The following EML4 variants were observed in gnomAD, a reference collection of about 807,000 sequenced individuals.
The protein encoded by EML4 is EMAP like 4.
A neutral mutation model predicts 129.0 loss-of-function variants in EML4; 72 were observed. The ratio of observed to expected loss-of-function variants is 0.56; its 90% CI spans 0.46 to 0.68. The LOEUF (loss-of-function observed/expected upper bound fraction) is 0.68, where lower values mean the gene tolerates loss of function less well. Among genes scored for constraint, EML4 ranks in the 30% least tolerant of loss-of-function variants. The pLI is 0.00. For missense variants in EML4, 1,363 were observed against 1,190.6 expected, an observed-to-expected ratio of 1.14 and a Z score of -2.13; for synonymous variants, 532 against 405.0, an observed-to-expected ratio of 1.31 and a Z score of -3.77.
chr2:42,299,974 C>T (rs1204458492), intron 13 of EML4, among the ~76,000 whole-genome samples: 1 of 152,240 alleles, frequency 6.6e-6, no homozygotes, highest in Non-Finnish European at 1.5e-5. Flanking sequence ...GTGTGAGCCA[C>T]AGTGCCCAGC....
At chr2:42,240,374 A>G (rs1674946468) in intron 1 of EML4, among the ~76,000 whole-genome samples, 1 of 152,194 alleles carries the variant, frequency 6.6e-6, no homozygotes, top group East Asian at 1.9e-4. Context: ...TAACCCAGTT[A>G]CCAGTTTGAT....
intron 1 of EML4, among the ~76,000 whole-genome samples, chr2:42,205,963 T>C (rs1263851154): frequency 6.6e-6 from 1 of 152,178 alleles, no homozygotes; most frequent in Non-Finnish European, 1.5e-5. Flanking sequence ...CCCAATTTTT[T>C]TTCTTTCCCT....
At chr2:42,271,679 C>G (rs1039597454) in intron 6 of EML4, among the ~76,000 whole-genome samples, 4 of 152,052 alleles carry the variant, frequency 2.6e-5, no homozygotes. Context: ...TCTTTTCATT[C>G]AAATTACGCG....
intron 17 of EML4, among the ~76,000 whole-genome samples, chr2:42,305,361 A>T (rs1158571852): frequency 6.6e-6 from 1 of 152,258 alleles, no homozygotes; most frequent in Non-Finnish European, 1.5e-5. Flanking sequence ...TAGAGTGGTC[A>T]TTATGGGCTT....
At chr2:42,217,123 G>A (rs1202428148) in intron 1 of EML4, among the ~76,000 whole-genome samples, 1 of 152,130 alleles carries the variant, frequency 6.6e-6, no homozygotes, top group African/African-American at 2.4e-5. Flanking sequence ...TTTATTTAAA[G>A]TTTACCTGCA....
At chr2:42,202,191 A>C (rs1041451666) in intron 1 of EML4, among the ~76,000 whole-genome samples, 8 of 152,120 alleles carry the variant, frequency 5.3e-5, no homozygotes, top group Non-Finnish European at 1.2e-4. Flanking sequence ...TTTCATTTGG[A>C]CAAGAGAAAT....
chr2:42,189,941 A>T (rs994948776), intron 1 of EML4, among the ~76,000 whole-genome samples: 27 of 152,174 alleles, frequency 1.8e-4, no homozygotes, highest in African/African-American at 6.5e-4. Context: ...CATATTACGA[A>T]GTCAAAATTC....
chr2:42,183,762 A>G (rs989190949), intron 1 of EML4, among the ~76,000 whole-genome samples: 2 of 152,020 alleles, frequency 1.3e-5, no homozygotes, highest in African/African-American at 4.8e-5. Flanking sequence ...TTTCTTATTA[A>G]ATAATCTGGC....
At chr2:42,254,707 A>G (rs1676007756) in intron 2 of EML4, among the ~76,000 whole-genome samples, 1 of 152,006 alleles carries the variant, frequency 6.6e-6, no homozygotes, top group Non-Finnish European at 1.5e-5. Context: ...AAATTGTAAA[A>G]TGGCGCAGCC....
chr2:42,316,191 A>G, intron 18 of EML4, 141 bp downstream of exon 18: 1 of 499,618 alleles, frequency 2.0e-6, no homozygotes. Context: ...CCCAACATCA[A>G]ATTAAATTCT....
chr2:42,207,428 C>CT (rs1481982088), intron 1 of EML4, among the ~76,000 whole-genome samples: 1 of 152,094 alleles, frequency 6.6e-6, no homozygotes, highest in Non-Finnish European at 1.5e-5. Context: ...GACCTTATAC[C>CT]TTTTCACTTA....
chr2:42,225,080 C>T (rs1445800946), intron 1 of EML4, among the ~76,000 whole-genome samples: 1 of 152,082 alleles, frequency 6.6e-6, no homozygotes, highest in Non-Finnish European at 1.5e-5. Flanking sequence ...TAGCATGTGT[C>T]AGAGTATCAT....
Position 42,331,734 on chromosome 2 carries a change from T to G in EML4, c.*1527T>G. The G allele has an allele frequency of 4.5e-6, 1 of 220,688 alleles. No homozygotes were observed. Among genetic ancestry groups the G allele is most frequent in the Non-Finnish European group, 9.1e-6 (1 of 109,920 alleles). 13.7% of individuals were successfully genotyped at this position (220,688 alleles called of 1,614,324 possible). On this transcript the variant is annotated 3_prime_UTR_variant, in exon 23 of 23. Coordinates refer to ENST00000318522, the MANE Select transcript of EML4 (RefSeq NM_019063.5). ...GGTATTTCATCATCATTTGGTAATA[T>G]GAAAACTCCAGTGAACTCCCAAGGA...
chr2:42,331,900 G>A lies in EML4; in HGVS notation c.*1693G>A. On this transcript the variant is annotated 3_prime_UTR_variant, in exon 23 of 23. Coordinates refer to ENST00000318522, the MANE Select transcript of EML4 (RefSeq NM_019063.5). Reference sequence around the variant, plus strand: ...CTCAGTGTAGATCTCTATGTGTATAGGTATCTGTATATCTTTCCTTTTGTT... The same window carrying A: ...CTCAGTGTAGATCTCTATGTGTATAAGTATCTGTATATCTTTCCTTTTGTT... 4.9e-6 allele frequency: 1 copy of A among 203,922 alleles called. No individual in the cohort carries two copies. The highest frequency in any genetic ancestry group is 9.7e-6 in the Non-Finnish European group (1 of 103,018). The allele number at this position is 203,922 out of a possible 1,614,324, so 12.6% of individuals were successfully genotyped here. A position where few individuals can be genotyped will look rare whatever the true frequency, so the allele number is the denominator to read the frequency against.
chr2:42,326,282 T>G, intron 21 of EML4, 30 bp downstream of exon 21: 2 of 1,501,894 alleles, frequency 1.3e-6, no homozygotes, highest in Non-Finnish European at 1.8e-6. Flanking sequence ...TGTAAAGAAG[T>G]GGTTTGTGGG....
At chr2:42,174,203 G>T (rs1670438646) in intron 1 of EML4, among the ~76,000 whole-genome samples, 1 of 152,024 alleles carries the variant, frequency 6.6e-6, no homozygotes, top group South Asian at 2.1e-4. Flanking sequence ...TTTTAAAATA[G>T]ATTCTAATAC....
intron 14 of EML4, among the ~76,000 whole-genome samples, chr2:42,302,618 C>A (rs1284367318): frequency 4.0e-5 from 6 of 151,748 alleles, no homozygotes; most frequent in African/African-American, 7.3e-5. Context: ...ACTGCAACCT[C>A]TGCCTCCCGG....
chr2:42,261,108 C>G lies in EML4; in HGVS notation c.339-13C>G, dbSNP rs771871295. The G allele has an allele frequency of 1.9e-6, 3 of 1,577,144 alleles. No individual in the cohort carries two copies. In the South Asian group the frequency reaches 3.4e-5, roughly 18 times the overall value. On this transcript the variant is annotated splice_polypyrimidine_tract_variant and intron_variant, in intron 3 of 22. Coordinates refer to ENST00000318522, the MANE Select transcript of EML4 (RefSeq NM_019063.5). Reference sequence around the variant, plus strand: ...TAAATGTGTATTGTTCCATGTTATACTTTATTTTACAGTGGTACAGAAAAA... The same window carrying G: ...TAAATGTGTATTGTTCCATGTTATAGTTTATTTTACAGTGGTACAGAAAAA...
chr2:42,179,664 A>G (rs2103830834), intron 1 of EML4, among the ~76,000 whole-genome samples: 1 of 152,248 alleles, frequency 6.6e-6, no homozygotes, highest in South Asian at 2.1e-4. Context: ...GTGCGGTGGC[A>G]TGATCTTGGC....
Sources: gnomAD v4.1 joint callset for allele counts (sites outside exome capture counted in the v4.1 genomes callset) on GRCh38, gnomAD v4.1.1 for gene constraint, MANE v1.5 for transcripts, NCBI Gene and HGNC (gene_info 2026-07-23, HGNC 2026-07-21) for gene names.